The following STON2 variants were observed in gnomAD, a reference collection of about 807,000 sequenced individuals.
STON2 encodes stonin-2.
STON2 carries 29 observed loss-of-function variants against 65.7 expected under a neutral mutation model. The observed-to-expected ratio is 0.44, with a 90% confidence interval of 0.33 to 0.60. STON2 has a LOEUF of 0.60. Among genes scored for constraint, STON2 ranks in the 20% least tolerant of loss-of-function variants. STON2 has a pLI of 0.03. For synonymous variants in STON2, 404 were observed against 414.2 expected (o/e 0.98, Z 0.30); for missense variants, 1,054 against 1,118.1 (o/e 0.94, Z 0.82).
chr14:81,408,157 A>ACACG lies in STON2; in HGVS notation c.-198-9578_-198-9577insCGTG, dbSNP rs147841517. Among the ~76,000 whole-genome samples the ACACG allele has an allele frequency of 9.9e-3, 1,494 of 150,508 alleles. 30 individuals are homozygous for ACACG. The highest frequency in any genetic ancestry group is 0.034 in the African/African-American group (1,392 of 40,364). On this transcript the variant is annotated intron_variant, in intron 2 of 8. Transcript: ENST00000553821. Reference sequence around the variant, plus strand: ...GAAGAACACACACACACACACACACACGCGCACACACACACACATTAATTA... The same window carrying ACACG: ...GAAGAACACACACACACACACACACACACGCGCGCACACACACACACATTAATTA...
chr14:81,272,217 G>A lies in STON2; in HGVS notation c.2582-1345C>T, dbSNP rs192887877. On this transcript the variant is annotated intron_variant, in intron 6 of 7. Transcript: ENST00000614646. ...AGCACGGGTGACAGTGTGAGACTCCGTCTCAAAACAAAAAACAAAAAACAA... is the reference window on the plus strand; with the variant it reads ...AGCACGGGTGACAGTGTGAGACTCCATCTCAAAACAAAAAACAAAAAACAA... Among the ~76,000 whole-genome samples, 724 of 152,220 alleles carry A rather than the reference G, an allele frequency of 4.8e-3. 3 individuals carry two copies. Among genetic ancestry groups the A allele is most frequent in the African/African-American group, 0.015 (627 of 41,538 alleles).
intron 1 of STON2, among the ~76,000 whole-genome samples, chr14:81,435,928 G>A (rs1333429325): frequency 6.6e-6 from 1 of 152,182 alleles, no homozygotes; most frequent in Non-Finnish European, 1.5e-5. Flanking sequence ...CAGGCGAGGG[G>A]AGTGTAGGGG....
chr14:81,429,075 G>A (rs575018113), intron 1 of STON2, among the ~76,000 whole-genome samples: 40 of 152,372 alleles, frequency 2.6e-4, no homozygotes, highest in Admixed American at 7.2e-4. Flanking sequence ...AAAGAGAAGT[G>A]TACAATGATC....
chr14:81,338,182 A>T (rs1021434564), intron 4 of STON2, among the ~76,000 whole-genome samples: 3 of 152,188 alleles, frequency 2.0e-5, no homozygotes, highest in Non-Finnish European at 4.4e-5. Context: ...ACTTCTGAAC[A>T]TCAGGATAGG....
At chr14:81,425,463 T>C (rs577391372) in intron 2 of STON2, among the ~76,000 whole-genome samples, 102 of 152,176 alleles carry the variant, frequency 6.7e-4, no homozygotes, top group Middle Eastern at 3.4e-3. Context: ...TCCCAGCTAC[T>C]TGGGAGGCTT....
intron 5 of STON2, among the ~76,000 whole-genome samples, chr14:81,310,849 T>C (rs1412009982): frequency 1.3e-5 from 2 of 152,166 alleles, no homozygotes; most frequent in Admixed American, 6.5e-5. Flanking sequence ...TTTAGGAAGT[T>C]TGATATTTGA....
intron 5 of STON2, among the ~76,000 whole-genome samples, chr14:81,308,013 T>C (rs1896249735): frequency 6.6e-6 from 1 of 152,178 alleles, no homozygotes; most frequent in African/African-American, 2.4e-5. Context: ...GCATGGTTGA[T>C]AATCAGATAA....
Position 81,292,352 on chromosome 14 carries a change from G to A in STON2, c.743-13613C>T, listed in dbSNP as rs372928487. 3.2e-4 allele frequency among the ~76,000 whole-genome samples: 48 copies of A among 152,326 alleles called. No individual in the cohort carries two copies. The East Asian group carries it at 8.1e-3, about 26-fold the overall frequency. ...GCAATGACAAAAAGAGGAGAGGTCA[G>A]TGAGATCTTGACCCATGCCAGGTGA... is the stretch of plus-strand genomic sequence containing the variant. On this transcript the variant is annotated intron_variant, in intron 5 of 7. Transcript: ENST00000614646.
chr14:81,363,502 T>TA (rs5810024), intron 4 of STON2, among the ~76,000 whole-genome samples: 58,899 of 151,842 alleles, frequency 0.39, 11,724 homozygotes, highest in South Asian at 0.58. Flanking sequence ...AAGCAATCAT[T>TA]AGAGTTTTTT....
In STON2 at chr14:81,268,477, C is replaced by CT. The variant is rs1285740802; in HGVS notation, c.2804dup (p.Ser936GlufsTer7). The CT allele has an allele frequency of 7.0e-6, 9 of 1,289,438 alleles. No homozygotes were observed. Among genetic ancestry groups the CT allele is most frequent in the East Asian group, 1.1e-4 (2 of 18,038 alleles). 79.9% of individuals were successfully genotyped at this position (1,289,438 alleles called of 1,614,324 possible). ...CTCCTTCAAAGTCCGGCTTCAAACT[C>CT]TTTTTTTGCTCAATTTCCACCTGCC... On this transcript the variant is annotated frameshift_variant, in exon 8 of 8. Coordinates refer to ENST00000614646, the MANE Select transcript of STON2 (RefSeq NM_001394390.1). LOFTEE classifies it high-confidence loss of function.
At chr14:81,302,788 C>T (rs142364200) in intron 5 of STON2, among the ~76,000 whole-genome samples, 1 of 152,290 alleles carries the variant, frequency 6.6e-6, no homozygotes, top group African/African-American at 2.4e-5. Context: ...GATCTGTAAG[C>T]CTCAGGTCCC....
chr14:81,293,206 G>A (rs1329470409), intron 5 of STON2, among the ~76,000 whole-genome samples: 24 of 143,190 alleles, frequency 1.7e-4, no homozygotes, highest in Admixed American at 5.2e-4. Flanking sequence ...ATGGAGTCTC[G>A]CTCCGTCATC....
At position 81,321,204 on chromosome 14, in the gene STON2, AC is replaced by A. The variant is rs1449822755; in HGVS notation, c.742+2812del. On this transcript the variant is annotated intron_variant, in intron 5 of 7. Coordinates refer to ENST00000614646, the MANE Select transcript of STON2 (RefSeq NM_001394390.1). The stretch of plus-strand genomic sequence containing the variant: ...TCTGTTTTTCAGAAAAATCACCATG[AC>A]CTTTTGGATGGCTCCGCTCAAATTC... 3.3e-5 allele frequency among the ~76,000 whole-genome samples: 5 copies of A among 152,128 alleles called. No individual in the cohort carries two copies. The South Asian group carries it at 1.0e-3, about 32-fold the overall frequency.
intron 3 of STON2, among the ~76,000 whole-genome samples, chr14:81,393,305 T>C (rs1419833900): frequency 6.6e-6 from 1 of 152,144 alleles, no homozygotes; most frequent in East Asian, 1.9e-4. Flanking sequence ...GGCACGGCCA[T>C]TTTAGGGCAG....
At chr14:81,327,642 T>C (rs903554456) in intron 4 of STON2, among the ~76,000 whole-genome samples, 2 of 152,226 alleles carry the variant, frequency 1.3e-5, no homozygotes, top group African/African-American at 2.4e-5. Context: ...TTCTTCCTCA[T>C]TCATTAACTG....
chr14:81,313,553 G>A (rs544073240), intron 5 of STON2, among the ~76,000 whole-genome samples: 1 of 151,698 alleles, frequency 6.6e-6, no homozygotes, highest in South Asian at 2.1e-4. Flanking sequence ...CCAACACTTC[G>A]GGAGGCCGAG....
In STON2 at chr14:81,262,421, T is replaced by C; in HGVS notation, c.*5993A>G. The C allele has an allele frequency of 1.0e-6, 1 of 983,078 alleles. No individual in the cohort carries two copies. Among genetic ancestry groups the C allele is most frequent in the Non-Finnish European group, 1.2e-6 (1 of 828,986 alleles). 60.9% of individuals were successfully genotyped at this position (983,078 alleles called of 1,614,324 possible). A position where few individuals can be genotyped will look rare whatever the true frequency, so the allele number is the denominator to read the frequency against. On this transcript the variant is annotated 3_prime_UTR_variant, in exon 8 of 8. Transcript: ENST00000614646. The stretch of plus-strand genomic sequence containing the variant: ...TTGTTGAGTTGAATTAATCCTGCCA[T>C]CTATCCCTTTTTACTATGCAATCTT...
intron 1 of STON2, among the ~76,000 whole-genome samples, chr14:81,399,740 T>A (rs1322114313): frequency 6.6e-6 from 1 of 152,238 alleles, no homozygotes; most frequent in Admixed American, 6.5e-5. Flanking sequence ...AATTCTTCTA[T>A]GGATAAAGAA....
At chr14:81,356,945 C>T (rs927247663) in intron 4 of STON2, among the ~76,000 whole-genome samples, 37 of 151,844 alleles carry the variant, frequency 2.4e-4, no homozygotes, top group African/African-American at 9.0e-4. Context: ...TTTGTTGATC[C>T]TTTCAAAAAA....
Sources: allele counts gnomAD v4.1 joint callset (sites outside exome capture counted in the v4.1 genomes callset), GRCh38; gene constraint gnomAD v4.1.1; transcripts MANE v1.5; gene names NCBI Gene and HGNC (gene_info 2026-07-23, HGNC 2026-07-21).